ENTREP2: variants seen among roughly 807,000 people sequenced by gnomAD.
ENTREP2 encodes the protein protein ENTREP2.
chr15:29,293,868 C>T, the ENTREP2 span, among the ~76,000 whole-genome samples: 42 of 152,340 alleles, frequency 2.8e-4, no homozygotes, highest in Non-Finnish European at 4.4e-4. Context: ...CTTTGGGGTT[C>T]GCTGCCATGC....
At chr15:29,219,649 A>ATATATATATG in the ENTREP2 span, among the ~76,000 whole-genome samples, 1 of 69,144 alleles carries the variant, frequency 1.4e-5, no homozygotes, top group Non-Finnish European at 3.1e-5. Context: ...ATATATATAT[A>ATATATATATG]TATATATATA....
chr15:29,557,234 T>A, the ENTREP2 span, among the ~76,000 whole-genome samples: 1 of 152,186 alleles, frequency 6.6e-6, no homozygotes, highest in African/African-American at 2.4e-5. Context: ...GAGTTCCCAC[T>A]GTGCTTTCAA....
chr15:29,159,205 C>G, the ENTREP2 span, among the ~76,000 whole-genome samples: 25 of 152,088 alleles, frequency 1.6e-4, no homozygotes, highest in African/African-American at 5.8e-4. Context: ...TGTGGTCTCG[C>G]TGGCCTAGGA....
the ENTREP2 span, among the ~76,000 whole-genome samples, chr15:29,214,480 C>T: frequency 2.6e-5 from 4 of 152,044 alleles, no homozygotes; most frequent in Admixed American, 2.0e-4. Context: ...TAGGTAGGAA[C>T]TGAACAATGA....
chr15:29,234,193 A>G, the ENTREP2 span: 71 of 1,605,850 alleles, frequency 4.4e-5, no homozygotes, highest in Admixed American at 8.3e-5. Context: ...TATCTGACCA[A>G]TCACCACGAA....
chr15:29,489,998 T>C, the ENTREP2 span, among the ~76,000 whole-genome samples: 1 of 152,224 alleles, frequency 6.6e-6, no homozygotes, highest in Non-Finnish European at 1.5e-5. Context: ...GCAATAAAAT[T>C]CAATAATTCT....
chr15:29,463,288 C>T, the ENTREP2 span, among the ~76,000 whole-genome samples: 1 of 152,172 alleles, frequency 6.6e-6, no homozygotes, highest in African/African-American at 2.4e-5. Flanking sequence ...TGTGACCACA[C>T]ACCTCAGAGG....
At chr15:29,667,644 C>A in the ENTREP2 span, among the ~76,000 whole-genome samples, 1 of 151,922 alleles carries the variant, frequency 6.6e-6, no homozygotes. Flanking sequence ...CAGGCGCCTG[C>A]CACCACGCCC....
At chr15:29,661,498 C>T in the ENTREP2 span, among the ~76,000 whole-genome samples, 106 of 152,118 alleles carry the variant, frequency 7.0e-4, 1 homozygote, top group African/African-American at 2.3e-3. Context: ...CACACCCGGC[C>T]GAGAAGATGT....
the ENTREP2 span, among the ~76,000 whole-genome samples, chr15:29,495,803 C>T: frequency 1.1e-3 from 171 of 152,026 alleles, no homozygotes; most frequent in African/African-American, 3.8e-3. Flanking sequence ...GTTTTTTTGG[C>T]TACTATAGCT....
At chr15:29,388,151 G>A in the ENTREP2 span, among the ~76,000 whole-genome samples, 2 of 152,158 alleles carry the variant, frequency 1.3e-5, no homozygotes, top group African/African-American at 4.8e-5. Context: ...CTTCTGCACA[G>A]CAAAAGAAAC....
the ENTREP2 span, among the ~76,000 whole-genome samples, chr15:29,285,667 G>A: frequency 1.3e-5 from 2 of 152,146 alleles, no homozygotes; most frequent in Admixed American, 1.3e-4. Flanking sequence ...TTAAATAAAT[G>A]TTTCCAGAAA....
At chr15:29,666,887 C>G in the ENTREP2 span, among the ~76,000 whole-genome samples, 22 of 152,210 alleles carry the variant, frequency 1.4e-4, no homozygotes, top group Non-Finnish European at 2.9e-4. Context: ...GCTCTGAAAG[C>G]TCTGAGAAAG....
the ENTREP2 span, among the ~76,000 whole-genome samples, chr15:29,642,737 C>T: frequency 6.6e-6 from 1 of 151,934 alleles, no homozygotes; most frequent in African/African-American, 2.4e-5. Context: ...CTCAGACTGC[C>T]AAGTAGCTGG....
the ENTREP2 span, chr15:29,267,882 ATAC>A: frequency 1.3e-5 from 2 of 152,356 alleles, no homozygotes; most frequent in East Asian, 3.9e-4. Flanking sequence ...GTAAATTCAT[ATAC>A]TAGTTATGGT....
the ENTREP2 span, among the ~76,000 whole-genome samples, chr15:29,474,031 A>G: frequency 6.6e-6 from 1 of 152,208 alleles, no homozygotes; most frequent in Non-Finnish European, 1.5e-5. Flanking sequence ...CCCCATCTAC[A>G]GCCTTCAATA....
chr15:29,381,399 T>C, the ENTREP2 span, among the ~76,000 whole-genome samples: 1 of 130,852 alleles, frequency 7.6e-6, no homozygotes, highest in Non-Finnish European at 1.5e-5. Context: ...GAGGTTGCAG[T>C]GAGCCGAGAT....
chr15:29,138,514 G>C, the ENTREP2 span, among the ~76,000 whole-genome samples: 1 of 152,146 alleles, frequency 6.6e-6, no homozygotes, highest in Non-Finnish European at 1.5e-5. Context: ...GAGGAAGGGT[G>C]AGTGCGTGTG....
At chr15:29,598,688 T>C in the ENTREP2 span, among the ~76,000 whole-genome samples, 2 of 117,046 alleles carry the variant, frequency 1.7e-5, no homozygotes, top group African/African-American at 5.6e-5. Context: ...AAATCTTTTT[T>C]TTCTTTCTTT....
Sources: gnomAD v4.1 joint callset for allele counts (sites outside exome capture counted in the v4.1 genomes callset) on GRCh38, gnomAD v4.1.1 for gene constraint, MANE v1.5 for transcripts, NCBI Gene and HGNC (gene_info 2026-07-23, HGNC 2026-07-21) for gene names.